The following MTMR3 variants were observed in gnomAD, a reference collection of about 807,000 sequenced individuals.
MTMR3 encodes the protein myotubularin related protein 3.
A neutral mutation model predicts 132.4 loss-of-function variants in MTMR3; 32 were observed. The ratio of observed to expected loss-of-function variants is 0.24; its 90% CI spans 0.18 to 0.32. MTMR3 has a LOEUF of 0.32. Among genes scored for constraint, MTMR3 ranks in the 10% least tolerant of loss-of-function variants. The pLI is 1.00. For missense variants in MTMR3, 1,216 were observed against 1,489.6 expected (o/e 0.82, Z 3.02); for synonymous variants, 556 against 550.3 (o/e 1.01, Z -0.14).
intron 12 of MTMR3, 75 bp from the exon 13 acceptor site, chr22:30,012,293 A>T: frequency 6.7e-7 from 1 of 1,491,884 alleles, no homozygotes; most frequent in Non-Finnish European, 9.1e-7. Flanking sequence ...TTGCTTTTTC[A>T]TTTGACAATC....
At position 29,978,444 on chromosome 22, in the gene MTMR3, T is replaced by G; in HGVS notation, c.6T>G (p.Asp2Glu). 1 of 1,611,274 alleles carries G rather than the reference T, an allele frequency of 6.2e-7. No individual in the cohort carries two copies. Among genetic ancestry groups the G allele is most frequent in the Non-Finnish European group, 8.5e-7 (1 of 1,178,164 alleles). Reference protein sequence around the residue: MDEETRHSLECI... With the variant: MEEETRHSLECI... ...TTTAAGGTTTTGGACTTTTCCAGGA[T>G]GAAGAGACTCGGCACAGCCTTGAGT... The change falls in exon 4 of 20, where the codon GAT (aspartate) becomes GAG (glutamate). Residue 2 changes from aspartate to glutamate, a missense_variant and splice_region_variant. Transcript: ENST00000401950.
At chr22:30,015,354 C>T (rs2067554784) in intron 14 of MTMR3, 1 of 152,008 alleles carries the variant, frequency 6.6e-6, no homozygotes. Context: ...GTCACCATGC[C>T]TGTCCAAAAC....
intron 2 of MTMR3, among the ~76,000 whole-genome samples, chr22:29,967,015 G>A (rs763793656): frequency 2.6e-5 from 4 of 151,964 alleles, no homozygotes; most frequent in Non-Finnish European, 5.9e-5. Flanking sequence ...TCTAGACCTG[G>A]AATTGGTTAT....
At chr22:29,927,067 C>T (rs920783788) in intron 1 of MTMR3, among the ~76,000 whole-genome samples, 5 of 152,116 alleles carry the variant, frequency 3.3e-5, no homozygotes, top group African/African-American at 1.2e-4. Flanking sequence ...ATTCAGTTGT[C>T]CCACCACCGT....
chr22:29,890,677 T>C (rs1471196972), intron 1 of MTMR3, among the ~76,000 whole-genome samples: 1 of 152,228 alleles, frequency 6.6e-6, no homozygotes, highest in African/African-American at 2.4e-5. Context: ...TTGTCATCTT[T>C]AGCTTGTTGG....
intron 3 of MTMR3, among the ~76,000 whole-genome samples, chr22:29,976,854 TAAG>T (rs1690778370): frequency 1.3e-5 from 2 of 152,192 alleles, no homozygotes; most frequent in Admixed American, 6.5e-5. Flanking sequence ...TGTTTATAGA[TAAG>T]AAGAAAAACT....
In MTMR3 at chr22:30,020,629, C is replaced by T. The variant is rs375887716; in HGVS notation, c.2970C>T (p.His990=). 3.1e-6 allele frequency: 5 copies of T among 1,614,106 alleles called. No homozygotes were observed. The Admixed American group carries it at 5.0e-5, about 16-fold the overall frequency. The change falls in exon 17 of 20, where the codon CAC becomes CAT. Residue 990 remains histidine (H), a synonymous_variant. Coordinates refer to ENST00000401950, the MANE Select transcript of MTMR3 (RefSeq NM_021090.4). The part of the protein sequence containing the change: ...SSAHLHSRNL[H]HKWLHSHSGR... ...CCCACTTACACTCAAGGAACTTGCA[C>T]CACAAGTGGCTGCATAGCCACTCAG... is the stretch of plus-strand genomic sequence containing the variant.
At position 29,932,999 on chromosome 22, in the gene MTMR3, T is replaced by G. The variant is rs556096792; in HGVS notation, c.-137-24037T>G. ...ATTTTTATTTTTTGAGATGGCGTCT[T>G]GCTCTGTTGCTCAGGCTGGAGTGCA... On this transcript the variant is annotated intron_variant, in intron 1 of 19. Transcript: ENST00000401950. Among the ~76,000 whole-genome samples, 3 of 152,276 alleles carry G rather than the reference T, an allele frequency of 2.0e-5. No individual in the cohort carries two copies. The South Asian group carries it at 6.2e-4, about 32-fold the overall frequency.
intron 1 of MTMR3, among the ~76,000 whole-genome samples, chr22:29,942,315 G>T (rs570116196): frequency 6.6e-6 from 1 of 152,246 alleles, no homozygotes; most frequent in South Asian, 2.1e-4. Context: ...TAGGGTGTGG[G>T]TCACAGAGAT....
At chr22:29,954,059 C>CTTTTTGTTTT (rs2066136120) in intron 1 of MTMR3, among the ~76,000 whole-genome samples, 1 of 79,426 alleles carries the variant, frequency 1.3e-5, no homozygotes, top group Non-Finnish European at 2.2e-5. Flanking sequence ...TCAAATGAGT[C>CTTTTTGTTTT]TTTTTTTTTT....
At chr22:30,024,671 GGTGGGCT>G (rs1343953888) in intron 19 of MTMR3, 1 of 152,222 alleles carries the variant, frequency 6.6e-6, no homozygotes, top group Admixed American at 6.5e-5. Flanking sequence ...CCCAGTCTTT[GGTGGGCT>G]GTGTCAGGCT....
chr22:30,023,357 A>T (rs1028804421), intron 19 of MTMR3: 1 of 1,177,364 alleles, frequency 8.5e-7, no homozygotes. Flanking sequence ...CTCTTTGCCT[A>T]GTAATGATGC....
chr22:29,905,204 A>G (rs955846562), intron 1 of MTMR3, among the ~76,000 whole-genome samples: 1 of 152,142 alleles, frequency 6.6e-6, no homozygotes, highest in Admixed American at 6.5e-5. Flanking sequence ...ACATCTGGGC[A>G]TACTTAAGTC....
At chr22:29,888,071 G>A (rs996287091) in intron 1 of MTMR3, among the ~76,000 whole-genome samples, 9 of 151,954 alleles carry the variant, frequency 5.9e-5, no homozygotes, top group Admixed American at 4.6e-4. Context: ...AGGCTAGAGT[G>A]CAGTGGCACG....
intron 1 of MTMR3, among the ~76,000 whole-genome samples, chr22:29,953,263 C>T (rs2066119181): frequency 6.6e-6 from 1 of 152,132 alleles, no homozygotes; most frequent in Non-Finnish European, 1.5e-5. Flanking sequence ...CCCCAGTACC[C>T]CTCAACATTT....
chr22:29,950,880 C>T (rs2066064353), intron 1 of MTMR3, among the ~76,000 whole-genome samples: 1 of 137,372 alleles, frequency 7.3e-6, no homozygotes, highest in East Asian at 1.9e-4. Context: ...GGGCCGGGCG[C>T]AGTGGCTTAC....
At chr22:29,971,129 A>G (rs1053899675) in intron 3 of MTMR3, 67 bp downstream of exon 3, 2 of 1,488,708 alleles carry the variant, frequency 1.3e-6, no homozygotes, top group Admixed American at 4.4e-5. Flanking sequence ...TTAAGTGAAC[A>G]CTAATAAATT....
At chr22:29,946,337 A>G (rs1268332444) in intron 1 of MTMR3, among the ~76,000 whole-genome samples, 1 of 152,138 alleles carries the variant, frequency 6.6e-6, no homozygotes, top group Admixed American at 6.5e-5. Flanking sequence ...TGCTAGATTG[A>G]CAACCTAGAG....
chr22:29,973,583 A>G (rs573114110), intron 3 of MTMR3, among the ~76,000 whole-genome samples: 49 of 152,248 alleles, frequency 3.2e-4, no homozygotes, highest in Non-Finnish European at 6.3e-4. Flanking sequence ...TTGACTGGTC[A>G]TCAGTCTCTC....
Sources: gnomAD v4.1 joint callset for allele counts (sites outside exome capture counted in the v4.1 genomes callset) on GRCh38, gnomAD v4.1.1 for gene constraint, MANE v1.5 for transcripts, NCBI Gene and HGNC (gene_info 2026-07-23, HGNC 2026-07-21) for gene names.